Variants in ZNF124 observed in about 807,000 individuals in gnomAD.
ZNF124 encodes the protein zinc finger protein HZF-16.
ZNF124 carries 25 observed loss-of-function variants against 26.6 expected under a neutral mutation model. The observed-to-expected ratio is 0.94, with a 90% CI of 0.68 to 1.31. ZNF124 has a LOEUF of 1.31. Ranked by LOEUF, ZNF124 falls within the 40% of genes most tolerant of loss-of-function variation. The pLI, the probability that ZNF124 is intolerant of heterozygous loss-of-function variation, is 0.00. For synonymous variants in ZNF124, 129 were observed against 133.3 expected, an observed-to-expected ratio of 0.97 and a Z score of 0.22; for missense variants, 444 against 422.2, an observed-to-expected ratio of 1.05 and a Z score of -0.45.
intron 3 of ZNF124, among the ~76,000 whole-genome samples, chr1:247,143,987 C>T (rs116977549): frequency 2.7e-4 from 41 of 152,258 alleles, no homozygotes; most frequent in Admixed American, 9.2e-4. Flanking sequence ...AGAACAATCC[C>T]AAAGGACCGT....
At chr1:247,148,985 A>AC (rs1468918196) in intron 3 of ZNF124, among the ~76,000 whole-genome samples, 1 of 152,006 alleles carries the variant, frequency 6.6e-6, no homozygotes, top group Non-Finnish European at 1.5e-5. Flanking sequence ...AAAGAAAAAA[A>AC]AAACAAATCC....
rs535866552 is a variant in ZNF124 at position 247,132,347 on chromosome 1, A to G, written c.219-8476T>C. 2.6e-4 allele frequency among the ~76,000 whole-genome samples: 39 copies of G among 152,320 alleles called. No homozygotes were observed. In the South Asian group the frequency reaches 7.9e-3, roughly 31 times the overall value. ...AAAGATGAGAAAGAATCAATGAAAA[A>G]ATGCTGAAAACCCAAAAGGCCAGAG... On this transcript the variant is annotated intron_variant, in intron 3 of 3. Coordinates refer to the ZNF124 transcript ENST00000472531.
intron 1 of ZNF124, among the ~76,000 whole-genome samples, chr1:247,170,499 G>A (rs1674046294): frequency 6.8e-6 from 1 of 147,486 alleles, no homozygotes; most frequent in Non-Finnish European, 1.5e-5. Flanking sequence ...GTACCCTTGT[G>A]GAAATAATTA....
chr1:247,158,828 C>A (rs112758144), intron 3 of ZNF124, among the ~76,000 whole-genome samples, 178 bp downstream of exon 3: 1 of 151,968 alleles, frequency 6.6e-6, no homozygotes, highest in Middle Eastern at 3.2e-3. Context: ...GGGTTTTTGC[C>A]GTGTTGGTCA....
chr1:247,164,961 C>T (rs900762163), intron 1 of ZNF124, among the ~76,000 whole-genome samples: 4 of 151,436 alleles, frequency 2.6e-5, no homozygotes, highest in African/African-American at 9.7e-5. Flanking sequence ...ACACCTACGA[C>T]CATCTGATTT....
intron 1 of ZNF124, among the ~76,000 whole-genome samples, chr1:247,161,528 A>G (rs939161440): frequency 6.6e-6 from 1 of 152,156 alleles, no homozygotes; most frequent in Non-Finnish European, 1.5e-5. Context: ...ATAGAGACTG[A>G]CAAATTCAAA....
chr1:247,148,593 A>T (rs1464776822), intron 3 of ZNF124, among the ~76,000 whole-genome samples: 1 of 152,204 alleles, frequency 6.6e-6, no homozygotes, highest in Non-Finnish European at 1.5e-5. Context: ...GACAGGGATG[A>T]TCAAAGAGAC....
intron 3 of ZNF124, 43 bp from the exon 4 acceptor site, chr1:247,157,446 A>G (rs897520939): frequency 5.2e-6 from 8 of 1,525,092 alleles, no homozygotes; most frequent in African/African-American, 2.8e-5. Context: ...TTCACACACA[A>G]TGCATTCATG....
intron 3 of ZNF124, among the ~76,000 whole-genome samples, chr1:247,145,633 GT>G (rs55923514): frequency 0.21 from 30,110 of 144,280 alleles, 3,030 homozygotes; most frequent in Middle Eastern, 0.32. Flanking sequence ...AAAAACTTCT[GT>G]TTTTTTTTTT....
intron 3 of ZNF124, among the ~76,000 whole-genome samples, chr1:247,143,059 TGAGA>T (rs1021245599): frequency 1.4e-4 from 21 of 151,970 alleles, no homozygotes; most frequent in Admixed American, 7.2e-4. Flanking sequence ...AATCTGCATG[TGAGA>T]GAGAGAGCTA....
chr1:247,138,639 C>A (rs1672547972), intron 3 of ZNF124: 1 of 397,790 alleles, frequency 2.5e-6, no homozygotes. Flanking sequence ...ATGAACAATT[C>A]TCCGATCAAT....
At chr1:247,147,923 A>ACCCTG (rs1672829238) in intron 3 of ZNF124, among the ~76,000 whole-genome samples, 1 of 152,166 alleles carries the variant, frequency 6.6e-6, no homozygotes, top group East Asian at 1.9e-4. Flanking sequence ...TTCATGGTGA[A>ACCCTG]CCCTGCCCAA....
At chr1:247,162,260 G>A (rs73137990) in intron 1 of ZNF124, among the ~76,000 whole-genome samples, 30,066 of 152,070 alleles carry the variant, frequency 0.2, 3,666 homozygotes, top group African/African-American at 0.32. Context: ...CTACACATAT[G>A]AATAGTAACC....
chr1:247,156,356 G>A lies in ZNF124; in HGVS notation c.*210C>T. On this transcript the variant is annotated 3_prime_UTR_variant, in exon 4 of 4. Transcript: ENST00000543802. ...TAAACATTCATATGGATTTTCTTCA[G>A]TGAGTCCTTTCAAGTTTTCAAAAAG... 8.0e-7 allele frequency: 1 copy of A among 1,244,328 alleles called. No individual in the cohort carries two copies. The highest frequency in any genetic ancestry group is 1.0e-6 in the Non-Finnish European group (1 of 994,700). The allele number at this position is 1,244,328 out of a possible 1,614,324, so 77.1% of individuals were successfully genotyped here. A position where few individuals can be genotyped will look rare whatever the true frequency, so the allele number is the denominator to read the frequency against.
chr1:247,139,556 T>C (rs537201675), intron 3 of ZNF124, among the ~76,000 whole-genome samples: 1 of 152,366 alleles, frequency 6.6e-6, no homozygotes, highest in Admixed American at 6.5e-5. Context: ...CTGGTTATTA[T>C]GCTGACTTGT....
chr1:247,154,155 C>A (rs1018739200), downstream of ZNF124, among the ~76,000 whole-genome samples: 35 of 152,182 alleles, frequency 2.3e-4, no homozygotes, highest in Non-Finnish European at 4.1e-4. Flanking sequence ...GGCTCCGTGT[C>A]CCCACCCAAA....
rs1288473608 is a variant in ZNF124 at position 247,157,403 on chromosome 1, C to T, written c.219G>A (p.Arg73=). The change falls in exon 4 of 4, where the codon AGG becomes AGA. Residue 73 remains arginine, a splice_region_variant and synonymous_variant. Transcript: ENST00000543802. ...DQYKNSSRNL[R]HIISHSGNNP... is the part of the protein sequence containing the mutation. ...TGTTTCCAGAATGAGATATGATGTGCCTATGAAGGGATGAATGACGTATGA... is the reference window on the plus strand; with the variant it reads ...TGTTTCCAGAATGAGATATGATGTGTCTATGAAGGGATGAATGACGTATGA... 1.9e-6 allele frequency: 3 copies of T among 1,552,004 alleles called. No individual in the cohort carries two copies. Among genetic ancestry groups the T allele is most frequent in the East Asian group, 2.4e-5 (1 of 40,916 alleles).
chr1:247,164,661 G>T (rs1673677022), intron 1 of ZNF124, among the ~76,000 whole-genome samples: 1 of 151,706 alleles, frequency 6.6e-6, no homozygotes, highest in South Asian at 2.1e-4. Flanking sequence ...TCATTGATAG[G>T]AAGAATTAAT....
chr1:247,157,696 A>G (rs1352114006), intron 3 of ZNF124, among the ~76,000 whole-genome samples: 1 of 152,200 alleles, frequency 6.6e-6, no homozygotes, highest in African/African-American at 2.4e-5. Flanking sequence ...ACATAAATGG[A>G]TTGATTAGTC....
Sources: allele counts gnomAD v4.1 joint callset (sites outside exome capture counted in the v4.1 genomes callset), GRCh38; gene constraint gnomAD v4.1.1; transcripts MANE v1.5; gene names NCBI Gene and HGNC (gene_info 2026-07-23, HGNC 2026-07-21).